Variants in CDH11 observed in about 807,000 individuals in gnomAD.
CDH11 encodes the protein cadherin 11, also known as cadherin-11.
Under a neutral mutation model 67.8 loss-of-function variants are expected in CDH11, and 11 were observed. That is an observed-to-expected ratio of 0.16 (90% CI 0.10 to 0.27). The LOEUF is 0.27. Ranked by LOEUF, CDH11 falls within the 10% of genes least tolerant of loss-of-function variation. CDH11 has a pLI of 1.00. For missense variants in CDH11, 847 were observed against 1,031.2 expected, an observed-to-expected ratio of 0.82 and a Z score of 2.45; for synonymous variants, 419 against 400.0, an observed-to-expected ratio of 1.05 and a Z score of -0.57.
chr16:65,036,574 A>G (rs2073759067), intron 2 of CDH11, among the ~76,000 whole-genome samples: 1 of 152,074 alleles, frequency 6.6e-6, no homozygotes, highest in South Asian at 2.1e-4. Context: ...GTCATAAATC[A>G]CTGCTTACCA....
intron 1 of CDH11, among the ~76,000 whole-genome samples, chr16:65,090,863 C>A (rs1406829389): frequency 6.6e-6 from 1 of 152,192 alleles, no homozygotes; most frequent in Non-Finnish European, 1.5e-5. Flanking sequence ...AACCGCTATT[C>A]CATTCTTTTC....
chr16:64,968,265 T>C, intron 11 of CDH11: 1 of 221,236 alleles, frequency 4.5e-6, no homozygotes, highest in Non-Finnish European at 7.6e-6. Context: ...GTTTGAAGAA[T>C]TAGGTGAAAC....
chr16:65,103,052 A>G (rs996465684), intron 1 of CDH11, among the ~76,000 whole-genome samples: 2 of 152,204 alleles, frequency 1.3e-5, no homozygotes, highest in African/African-American at 2.4e-5. Context: ...CTACACATGC[A>G]CATTCATGCA....
chr16:65,118,540 T>A (rs771909413), intron 1 of CDH11, among the ~76,000 whole-genome samples: 15 of 152,232 alleles, frequency 9.9e-5, no homozygotes, highest in Non-Finnish European at 1.6e-4. Flanking sequence ...CTCACAATTC[T>A]TGGTAAGTGC....
intron 2 of CDH11, among the ~76,000 whole-genome samples, chr16:65,018,783 G>A (rs1169890770): frequency 6.6e-6 from 1 of 152,202 alleles, no homozygotes; most frequent in East Asian, 1.9e-4. Context: ...CTATTTTAAT[G>A]GTACACTTTC....
intron 9 of CDH11, among the ~76,000 whole-genome samples, chr16:64,972,663 C>T (rs1165458505): frequency 6.6e-6 from 1 of 152,168 alleles, no homozygotes; most frequent in Non-Finnish European, 1.5e-5. Context: ...GAGTTTCAAA[C>T]TCCTGAGGGC....
In CDH11 at chr16:64,944,443, A is replaced by G. The variant is rs145760422; in HGVS notation, c.*3160T>C. 5.7e-3 allele frequency: 1,318 copies of G among 232,762 alleles called. 3 individuals carry two copies. Among genetic ancestry groups the G allele is most frequent in the Non-Finnish European group, 8.6e-3 (1,017 of 117,792 alleles). The allele number at this position is 232,762 out of a possible 1,614,324, so 14.4% of individuals were successfully genotyped here. A position where few individuals can be genotyped will look rare whatever the true frequency, so the allele number is the denominator to read the frequency against. ...TCCTGGGGCACACCTCTGGGTTTAT[A>G]TGCTCCTAATCTGTCCTCCACACTG... On this transcript the variant is annotated 3_prime_UTR_variant, in exon 13 of 13. Transcript: ENST00000268603.
At chr16:65,092,518 C>T (rs956859563) in intron 1 of CDH11, among the ~76,000 whole-genome samples, 1 of 152,138 alleles carries the variant, frequency 6.6e-6, no homozygotes, top group Non-Finnish European at 1.5e-5. Context: ...ACCACTTGCA[C>T]ACCAAGCTTA....
chr16:64,981,945 G>T, intron 8 of CDH11, 103 bp downstream of exon 8: 2 of 1,000,214 alleles, frequency 2.0e-6, no homozygotes, highest in South Asian at 1.7e-5. Context: ...TGATAAACTT[G>T]AACCCTTTTT....
At chr16:65,081,075 A>T (rs920075364) in intron 1 of CDH11, among the ~76,000 whole-genome samples, 1 of 152,214 alleles carries the variant, frequency 6.6e-6, no homozygotes, top group African/African-American at 2.4e-5. Flanking sequence ...AATAATTTAT[A>T]TATGTTGAAT....
chr16:65,079,500 T>C (rs7500159), intron 1 of CDH11, among the ~76,000 whole-genome samples: 138,536 of 152,248 alleles, frequency 0.91, 63,107 homozygotes, highest in East Asian at 1. Context: ...TGTGTATGTG[T>C]GTGTGTGTGT....
At position 64,946,366 on chromosome 16, in the gene CDH11, CAT is replaced by C. The variant is rs2071196902; in HGVS notation, c.*1235_*1236del. The C allele has an allele frequency of 9.7e-7, 1 of 1,034,086 alleles. No individual in the cohort carries two copies. Among genetic ancestry groups the C allele is most frequent in the Admixed American group, 5.6e-5 (1 of 17,762 alleles). 64.1% of individuals were successfully genotyped at this position (1,034,086 alleles called of 1,614,324 possible). On this transcript the variant is annotated 3_prime_UTR_variant, in exon 13 of 13. Coordinates refer to ENST00000268603, the MANE Select transcript of CDH11 (RefSeq NM_001797.4). Reference sequence around the variant, plus strand: ...CAGTTCCCCAGTGCTCAGTGTGGGGCATAGAATGTATACCTGGAACATTAGAG... The same window carrying C: ...CAGTTCCCCAGTGCTCAGTGTGGGGCAGAATGTATACCTGGAACATTAGAG...
Position 64,991,945 on chromosome 16 carries a change from T to G in CDH11, c.644-10A>C. On this transcript the variant is annotated splice_polypyrimidine_tract_variant and intron_variant, in intron 5 of 12. Transcript: ENST00000268603. ...GCTGTTCTGATGATACCTGGACAGG[T>G]AAGCAGGCAACATCACAGATATTCG... 2.5e-6 allele frequency: 4 copies of G among 1,584,648 alleles called. No homozygotes were observed. Among genetic ancestry groups the G allele is most frequent in the Non-Finnish European group, 3.5e-6 (4 of 1,157,262 alleles).
intron 1 of CDH11, among the ~76,000 whole-genome samples, chr16:65,083,154 T>C (rs147978003): frequency 1.3e-5 from 2 of 152,264 alleles, no homozygotes; most frequent in African/African-American, 4.8e-5. Context: ...ACACAGAAAG[T>C]TTGAGTGCCT....
intron 1 of CDH11, among the ~76,000 whole-genome samples, chr16:65,056,094 T>A (rs1412309154): frequency 6.6e-6 from 1 of 152,236 alleles, no homozygotes; most frequent in African/African-American, 2.4e-5. Context: ...CAATCTGTGA[T>A]ATTTTGTTAT....
At chr16:65,085,789 ATTAC>A (rs754475683) in intron 1 of CDH11, among the ~76,000 whole-genome samples, 1 of 152,212 alleles carries the variant, frequency 6.6e-6, no homozygotes, top group Non-Finnish European at 1.5e-5. Flanking sequence ...GCATTTTCTT[ATTAC>A]CAGATCCTCA....
At chr16:64,977,173 C>A (rs188768286) in intron 8 of CDH11, among the ~76,000 whole-genome samples, 214 of 152,262 alleles carry the variant, frequency 1.4e-3, no homozygotes, top group African/African-American at 4.9e-3. Flanking sequence ...GCACTCCAGG[C>A]TGGGTGACAG....
intron 12 of CDH11, among the ~76,000 whole-genome samples, chr16:64,949,426 T>C (rs1451161905): frequency 6.2e-3 from 30 of 4,802 alleles, no homozygotes; most frequent in Middle Eastern, 0.071. Context: ...TTTTTTTTTC[T>C]TTTTTTTTTT....
At chr16:65,092,367 C>T (rs745675336) in intron 1 of CDH11, among the ~76,000 whole-genome samples, 26 of 152,152 alleles carry the variant, frequency 1.7e-4, no homozygotes, top group Non-Finnish European at 2.9e-4. Context: ...TTTCCAGTGA[C>T]GGCAACCTCA....
Sources: gnomAD v4.1 joint callset for allele counts (sites outside exome capture counted in the v4.1 genomes callset) on GRCh38, gnomAD v4.1.1 for gene constraint, MANE v1.5 for transcripts, NCBI Gene and HGNC (gene_info 2026-07-23, HGNC 2026-07-21) for gene names.